Variants in TCF19 observed in about 807,000 individuals in gnomAD.
TCF19 encodes transcription factor 19, also known as transcription factor SC1.
TCF19 carries 9 observed loss-of-function variants against 18.3 expected under a neutral mutation model. The ratio of observed to expected loss-of-function variants is 0.49; its 90% confidence interval spans 0.30 to 0.86. The LOEUF (loss-of-function observed/expected upper bound fraction) is 0.86. TCF19 is among the 40% of genes least tolerant of loss of function. The probability of loss-of-function intolerance (pLI) is 0.07; values close to 1 mark genes in which losing one functional copy is unlikely to be tolerated. For missense variants in TCF19, 376 were observed against 464.3 expected (o/e 0.81, Z 1.75); for synonymous variants, 176 against 185.3 (o/e 0.95, Z 0.41).
At chr6:31,160,757 TCAAA>T (rs1217660939) in intron 2 of TCF19, among the ~76,000 whole-genome samples, 4 of 151,258 alleles carry the variant, frequency 2.6e-5, no homozygotes, top group Admixed American at 6.6e-5. Flanking sequence ...AGACTCCATC[TCAAA>T]CAAACAAACA....
At chr6:31,158,770 C>G (rs1261322063) in intron 1 of TCF19, 48 bp downstream of exon 1, 1 of 152,236 alleles carries the variant, frequency 6.6e-6, no homozygotes, top group African/African-American at 2.4e-5. Flanking sequence ...GCCGGGTATG[C>G]CTTGCATGAT....
chr6:31,164,131 C>T lies in TCF19; in HGVS notation c.*1414C>T, dbSNP rs1271160422. 1.9e-6 allele frequency: 2 copies of T among 1,076,090 alleles called. No homozygotes were observed. Among genetic ancestry groups the T allele is most frequent in the Non-Finnish European group, 2.3e-6 (2 of 884,796 alleles). 66.7% of individuals were successfully genotyped at this position (1,076,090 alleles called of 1,614,324 possible). Reference sequence around the variant, plus strand: ...GGTAACAGCTACATGGTGACTGAGTCTATGGGCAAAAGTTCTTGCATCACA... The same window carrying T: ...GGTAACAGCTACATGGTGACTGAGTTTATGGGCAAAAGTTCTTGCATCACA... On this transcript the variant is annotated 3_prime_UTR_variant, in exon 4 of 4. Coordinates refer to ENST00000376257, the MANE Select transcript of TCF19 (RefSeq NM_007109.3).
In TCF19 at chr6:31,163,533, C is replaced by A. The variant is rs1185534255; in HGVS notation, c.*816C>A. The A allele has an allele frequency of 1.4e-5, 14 of 985,324 alleles. No homozygotes were observed. Among genetic ancestry groups the A allele is most frequent in the Non-Finnish European group, 1.7e-5 (14 of 829,954 alleles). 61.0% of individuals were successfully genotyped at this position (985,324 alleles called of 1,614,324 possible). A position where few individuals can be genotyped will look rare whatever the true frequency, so the allele number is the denominator to read the frequency against. The stretch of plus-strand genomic sequence containing the variant: ...GATTTATTTACAGGCTTCACCTGTA[C>A]TGTCAGGGCAAGAGAAAGCCTGGTA... On this transcript the variant is annotated 3_prime_UTR_variant, in exon 4 of 4. Coordinates refer to ENST00000376257, the MANE Select transcript of TCF19 (RefSeq NM_007109.3).
chr6:31,159,390 A>AG lies in TCF19; in HGVS notation c.-79dup. The AG allele has an allele frequency of 1.5e-6, 2 of 1,311,084 alleles. No individual in the cohort carries two copies. The highest frequency in any genetic ancestry group is 3.0e-5 in the South Asian group (2 of 66,642). The allele number at this position is 1,311,084 out of a possible 1,614,324, so 81.2% of individuals were successfully genotyped here. The stretch of plus-strand genomic sequence containing the variant: ...TGCATCAGACTGGGAAGCGAACTTA[A>AG]GCCAGCGGTGCGTGGCCCAGGAGTG... On this transcript the variant is annotated 5_prime_UTR_variant, in exon 2 of 4. Coordinates refer to ENST00000376257, the MANE Select transcript of TCF19 (RefSeq NM_007109.3).
In TCF19 at chr6:31,164,125, C is replaced by T; in HGVS notation, c.*1408C>T. ...TGAACAGGTAACAGCTACATGGTGA[C>T]TGAGTCTATGGGCAAAAGTTCTTGC... On this transcript the variant is annotated 3_prime_UTR_variant, in exon 4 of 4. Coordinates refer to ENST00000376257, the MANE Select transcript of TCF19 (RefSeq NM_007109.3). 1.0e-5 allele frequency: 11 copies of T among 1,066,178 alleles called. No homozygotes were observed. Among genetic ancestry groups the T allele is most frequent in the Non-Finnish European group, 1.3e-5 (11 of 878,452 alleles). 66.0% of individuals were successfully genotyped at this position (1,066,178 alleles called of 1,614,324 possible).
Position 31,159,189 on chromosome 6 carries a change from TG to T in TCF19, c.-280del, listed in dbSNP as rs1054502800. ...TTGCGATCTGAGGATCCAGCTCAAG[TG>T]AGGTGCCATAGGACGTGTTCCTGAG... is the stretch of plus-strand genomic sequence containing the variant. On this transcript the variant is annotated 5_prime_UTR_variant, in exon 2 of 4. Transcript: ENST00000376257. The T allele has an allele frequency of 1.8e-5, 8 of 442,204 alleles. No homozygotes were observed. Among genetic ancestry groups the T allele is most frequent in the African/African-American group, 1.6e-4 (8 of 49,996 alleles). 27.4% of individuals were successfully genotyped at this position (442,204 alleles called of 1,614,324 possible).
In TCF19 at chr6:31,162,032, TCA is replaced by T; in HGVS notation, c.797+28_797+29del. ...TAAGTGGAGTCCTCACTTGGCCCTCTCAGTGTTTTACTGCTTTTCGATTCCTT... is the reference window on the plus strand; with the variant it reads ...TAAGTGGAGTCCTCACTTGGCCCTCTGTGTTTTACTGCTTTTCGATTCCTT... On this transcript the variant is annotated intron_variant, in intron 3 of 3. Transcript: ENST00000376257. This position sits in a 1 kb window ranked among gnomAD's most constrained non-coding sequence, Gnocchi z 4.5. 6.4e-7 allele frequency: 1 copy of T among 1,574,594 alleles called. No individual in the cohort carries two copies. Among genetic ancestry groups the T allele is most frequent in the Non-Finnish European group, 8.6e-7 (1 of 1,158,480 alleles).
Position 31,158,598 on chromosome 6 carries a change from G to C in TCF19, c.-698G>C, listed in dbSNP as rs1157791441. ...AGAGGCCGCGCCCCTCCTGGCCCCG[G>C]CTTCTTGGCTGTCAAACAGATGCAG... On this transcript the variant is annotated 5_prime_UTR_variant, in exon 1 of 4. Coordinates refer to ENST00000376257, the MANE Select transcript of TCF19 (RefSeq NM_007109.3). The C allele has an allele frequency of 6.6e-6, 1 of 152,244 alleles. No individual in the cohort carries two copies. Among genetic ancestry groups the C allele is most frequent in the Non-Finnish European group, 1.5e-5 (1 of 68,064 alleles). The allele number at this position is 152,244 out of a possible 1,614,324, so 9.4% of individuals were successfully genotyped here. A position where few individuals can be genotyped will look rare whatever the true frequency, so the allele number is the denominator to read the frequency against.
In TCF19 at chr6:31,162,815, A is replaced by G; in HGVS notation, c.*98A>G. On this transcript the variant is annotated 3_prime_UTR_variant, in exon 4 of 4. Coordinates refer to ENST00000376257, the MANE Select transcript of TCF19 (RefSeq NM_007109.3). This position sits in a 1 kb window ranked among gnomAD's most constrained non-coding sequence, Gnocchi z 4.5. ...AATACCCCCCTTCCCTTCCCTCCCC[A>G]GGAGGGAATGACTACAGGGAAGAAG... 6.7e-7 allele frequency: 1 copy of G among 1,502,650 alleles called. No individual in the cohort carries two copies. Among genetic ancestry groups the G allele is most frequent in the South Asian group, 1.3e-5 (1 of 76,734 alleles). The allele number at this position is 1,502,650 out of a possible 1,614,324, so 93.1% of individuals were successfully genotyped here.
rs1776812752 is a variant in TCF19, at chr6:31,161,929, C to G, written c.721C>G (p.Pro241Ala). The part of the protein sequence containing the change: ...LAELDDESEP[P>A]ENPPPVLMEP... ...GGAACTGGATGATGAGAGTGAGCCT[C>G]CTGAGAACCCGCCACCGGTCCTTAT... The change falls in exon 3 of 4, where the codon CCT becomes GCT. Residue 241 changes from proline (P) to alanine (A), a missense_variant. By Grantham distance (27) the Pro-to-Ala change is conservative (BLOSUM62 -1). Transcript: ENST00000376257. The G allele has an allele frequency of 4.3e-6, 7 of 1,613,004 alleles. No individual in the cohort carries two copies. In the East Asian group the frequency reaches 6.7e-5, roughly 15 times the overall value.
In TCF19 at chr6:31,161,859, T is replaced by A; in HGVS notation, c.651T>A (p.Ala217=). The A allele has an allele frequency of 6.2e-6, 10 of 1,612,960 alleles. No homozygotes were observed. Among genetic ancestry groups the A allele is most frequent in the Non-Finnish European group, 8.5e-6 (10 of 1,179,980 alleles). The part of the protein sequence containing the change: ...PPGEMGTTPS[A]PPQRNRRKSV... ...GGGAAATGGGGACCACGCCTTCTGCTCCACCACAACGCAATCGGAGGAAAT... is the reference window on the plus strand; with the variant it reads ...GGGAAATGGGGACCACGCCTTCTGCACCACCACAACGCAATCGGAGGAAAT... The change falls in exon 3 of 4, where the codon GCT becomes GCA. Residue 217 remains alanine, a synonymous_variant. Coordinates refer to ENST00000376257, the MANE Select transcript of TCF19 (RefSeq NM_007109.3).
In TCF19 at chr6:31,163,726, T is replaced by G. The variant is rs556869809; in HGVS notation, c.*1009T>G. On this transcript the variant is annotated 3_prime_UTR_variant, in exon 4 of 4. Transcript: ENST00000376257. The stretch of plus-strand genomic sequence containing the variant: ...GTGAGCCTTACACCAAGCCAAACTA[T>G]TGTCAAAGCATCATTTCTATAGAAA... 4.1e-6 allele frequency: 4 copies of G among 985,492 alleles called. No individual in the cohort carries two copies. The highest frequency in any genetic ancestry group is 4.8e-6 in the Non-Finnish European group (4 of 829,974). The allele number at this position is 985,492 out of a possible 1,614,324, so 61.0% of individuals were successfully genotyped here.
Position 31,163,662 on chromosome 6 carries a change from A to G in TCF19, c.*945A>G, listed in dbSNP as rs1224956088. 1.0e-6 allele frequency: 1 copy of G among 985,370 alleles called. No individual in the cohort carries two copies. Among genetic ancestry groups the G allele is most frequent in the Non-Finnish European group, 1.2e-6 (1 of 829,972 alleles). The allele number at this position is 985,370 out of a possible 1,614,324, so 61.0% of individuals were successfully genotyped here. A position where few individuals can be genotyped will look rare whatever the true frequency, so the allele number is the denominator to read the frequency against. On this transcript the variant is annotated 3_prime_UTR_variant, in exon 4 of 4. Transcript: ENST00000376257. The stretch of plus-strand genomic sequence containing the variant: ...GGCTGGCCTGGTTCAGTGTGAATCA[A>G]ACCGCTTAACCCACACATGGTACAT...
rs1048401666 is a variant in TCF19 at position 31,163,673 on chromosome 6, C to T, written c.*956C>T. The T allele has an allele frequency of 2.0e-6, 2 of 985,350 alleles. No homozygotes were observed. Among genetic ancestry groups the T allele is most frequent in the African/African-American group, 3.5e-5 (2 of 57,232 alleles). 61.0% of individuals were successfully genotyped at this position (985,350 alleles called of 1,614,324 possible). Reference sequence around the variant, plus strand: ...TTCAGTGTGAATCAAACCGCTTAACCCACACATGGTACATGTGATTTTCTT... The same window carrying T: ...TTCAGTGTGAATCAAACCGCTTAACTCACACATGGTACATGTGATTTTCTT... On this transcript the variant is annotated 3_prime_UTR_variant, in exon 4 of 4. Transcript: ENST00000376257.
Position 31,163,007 on chromosome 6 carries a change from C to T in TCF19, c.*290C>T, listed in dbSNP as rs1214553137. 1 of 1,302,920 alleles carries T rather than the reference C, an allele frequency of 7.7e-7. No homozygotes were observed. Among genetic ancestry groups the T allele is most frequent in the Non-Finnish European group, 9.7e-7 (1 of 1,026,716 alleles). 80.7% of individuals were successfully genotyped at this position (1,302,920 alleles called of 1,614,324 possible). ...CATGTTGCCATGGACACCAGAATAT[C>T]TGTAGTCAGAGCACCTATCAGTTGC... On this transcript the variant is annotated 3_prime_UTR_variant, in exon 4 of 4. Coordinates refer to ENST00000376257, the MANE Select transcript of TCF19 (RefSeq NM_007109.3).
chr6:31,163,646 G>T lies in TCF19; in HGVS notation c.*929G>T. The T allele has an allele frequency of 6.1e-6, 6 of 985,446 alleles. No individual in the cohort carries two copies. The highest frequency in any genetic ancestry group is 7.2e-6 in the Non-Finnish European group (6 of 829,972). The allele number at this position is 985,446 out of a possible 1,614,324, so 61.0% of individuals were successfully genotyped here. The stretch of plus-strand genomic sequence containing the variant: ...CAGCAGAGGGCAACTGGGCTGGCCT[G>T]GTTCAGTGTGAATCAAACCGCTTAA... On this transcript the variant is annotated 3_prime_UTR_variant, in exon 4 of 4. Coordinates refer to ENST00000376257, the MANE Select transcript of TCF19 (RefSeq NM_007109.3).
chr6:31,164,024 A>G lies in TCF19; in HGVS notation c.*1307A>G. 2.0e-6 allele frequency: 2 copies of G among 995,298 alleles called. No homozygotes were observed. Among genetic ancestry groups the G allele is most frequent in the Non-Finnish European group, 2.4e-6 (2 of 835,714 alleles). 61.7% of individuals were successfully genotyped at this position (995,298 alleles called of 1,614,324 possible). A position where few individuals can be genotyped will look rare whatever the true frequency, so the allele number is the denominator to read the frequency against. ...TTCTGGTTGGGGTGATCTAGGTTCA[A>G]CAGAAATAAGATGATTTCTAAGTAT... On this transcript the variant is annotated 3_prime_UTR_variant, in exon 4 of 4. Coordinates refer to ENST00000376257, the MANE Select transcript of TCF19 (RefSeq NM_007109.3).
At position 31,162,970 on chromosome 6, in the gene TCF19, A is replaced by G. The variant is rs1187106093; in HGVS notation, c.*253A>G. On this transcript the variant is annotated 3_prime_UTR_variant, in exon 4 of 4. Transcript: ENST00000376257. This position sits in a 1 kb window ranked among gnomAD's most constrained non-coding sequence, Gnocchi z 4.5. ...GTGAGCTGGAAGTTCCCACTATTAC[A>G]AGCCATAAGGCCATGTTGCCATGGA... 1 of 1,390,140 alleles carries G rather than the reference A, an allele frequency of 7.2e-7. No homozygotes were observed. Among genetic ancestry groups the G allele is most frequent in the Non-Finnish European group, 9.3e-7 (1 of 1,076,004 alleles). 86.1% of individuals were successfully genotyped at this position (1,390,140 alleles called of 1,614,324 possible).
At position 31,161,652 on chromosome 6, in the gene TCF19, T is replaced by C. The variant is rs751092658; in HGVS notation, c.444T>C (p.Gly148=). The C allele has an allele frequency of 2.2e-5, 34 of 1,528,312 alleles. No individual in the cohort carries two copies. Among genetic ancestry groups the C allele is most frequent in the Admixed American group, 6.4e-5 (3 of 46,796 alleles). 94.7% of individuals were successfully genotyped at this position (1,528,312 alleles called of 1,614,324 possible). The stretch of plus-strand genomic sequence containing the variant: ...GGGGAGAAGCCCGGGTTGGGGCTGG[T>C]TTCCGGCCTATGCTGCCCTCCCAGG... The part of the protein sequence containing the change: ...RSRGEARVGA[G]FRPMLPSQGA... The change falls in exon 3 of 4, where the codon GGT becomes GGC. Residue 148 remains glycine, a synonymous_variant. Coordinates refer to ENST00000376257, the MANE Select transcript of TCF19 (RefSeq NM_007109.3).
Sources: allele counts gnomAD v4.1 joint callset (sites outside exome capture counted in the v4.1 genomes callset), GRCh38; gene constraint gnomAD v4.1.1; non-coding constraint Gnocchi (gnomAD v3.1); transcripts MANE v1.5; gene names NCBI Gene and HGNC (gene_info 2026-07-23, HGNC 2026-07-21).